CCNF: variants seen among roughly 807,000 people sequenced by gnomAD.
CCNF encodes the protein cyclin-F.
Under a neutral mutation model 85.4 loss-of-function variants are expected in CCNF, and 30 were observed. The observed-to-expected ratio is 0.35, with a 90% CI of 0.26 to 0.48. The LOEUF is 0.48. Ranked by LOEUF, CCNF falls within the 20% of genes least tolerant of loss-of-function variation. The probability of loss-of-function intolerance (pLI) is 0.99; values close to 1 mark genes in which losing one functional copy is unlikely to be tolerated. For missense variants in CCNF, 919 were observed against 1,010.4 expected (o/e 0.91, Z 1.23); for synonymous variants, 439 against 425.1 (o/e 1.03, Z -0.40).
Position 2,456,406 on chromosome 16 carries a change from C to T in CCNF, c.1886-139C>T. 3.7e-6 allele frequency: 2 copies of T among 538,196 alleles called. No homozygotes were observed. Among genetic ancestry groups the T allele is most frequent in the Non-Finnish European group, 6.3e-6 (2 of 318,162 alleles). The allele number at this position is 538,196 out of a possible 1,614,324, so 33.3% of individuals were successfully genotyped here. A position where few individuals can be genotyped will look rare whatever the true frequency, so the allele number is the denominator to read the frequency against. On this transcript the variant is annotated intron_variant, in intron 16 of 16. Coordinates refer to ENST00000397066, the MANE Select transcript of CCNF (RefSeq NM_001761.3). This position sits in a 1 kb window ranked among gnomAD's most constrained non-coding sequence, Gnocchi z 4.5. The stretch of plus-strand genomic sequence containing the variant: ...TGGAAGAGGCATGTCACCCACGCTT[C>T]TCACCACAGGAGGGTAACACAGGGG...
intron 7 of CCNF, 141 bp downstream of exon 7, chr16:2,439,598 C>A: frequency 1.1e-6 from 1 of 889,404 alleles, no homozygotes; most frequent in Non-Finnish European, 1.8e-6. Context: ...AACCACTGGT[C>A]AGTCGGCTAT....
At chr16:2,433,857 T>C (rs531375971) in intron 3 of CCNF, among the ~76,000 whole-genome samples, 5 of 152,346 alleles carry the variant, frequency 3.3e-5, no homozygotes, top group African/African-American at 1.2e-4. Context: ...AGGGATTCGC[T>C]GTGAGCCTCG....
At chr16:2,429,536 C>T in intron 1 of CCNF, 39 bp downstream of exon 1, 1 of 1,228,440 alleles carries the variant, frequency 8.1e-7, no homozygotes, top group Non-Finnish European at 1.0e-6. Flanking sequence ...CTGCCCCACA[C>T]CCCTTCTGCC....
At position 2,457,014 on chromosome 16, in the gene CCNF, G is replaced by T. The variant is rs149600932; in HGVS notation, c.2355G>T (p.Arg785Ser). 10 of 1,578,456 alleles carry T rather than the reference G, an allele frequency of 6.3e-6. No homozygotes were observed. In the African/African-American group the frequency reaches 1.3e-4, roughly 21 times the overall value. ...EEEDMNLGLV[R>S]L ...AGGACATGAACCTGGGCCTTGTGAGGCTGTAAGTGTGTCAGCACATTTGCC... is the reference window on the plus strand; with the variant it reads ...AGGACATGAACCTGGGCCTTGTGAGTCTGTAAGTGTGTCAGCACATTTGCC... Residue 785 changes from arginine to serine, a missense_variant, in exon 17 of 17, where the codon AGG becomes AGT. Physicochemically the swap from Arg to Ser is moderately radical, Grantham distance 110. Around this residue, in one of 3 missense-constraint regions of CCNF, gnomAD observed 505 missense variants for 514.8 expected, o/e 0.98. Transcript: ENST00000397066.
chr16:2,446,525 G>A (rs965359088), intron 10 of CCNF, among the ~76,000 whole-genome samples: 1 of 152,164 alleles, frequency 6.6e-6, no homozygotes, highest in South Asian at 2.1e-4. Flanking sequence ...TGGAAATAAC[G>A]TGGAAATGAT....
Position 2,451,631 on chromosome 16 carries a change from G to GC in CCNF, c.1488-1576dup, listed in dbSNP as rs1467991508. Among the ~76,000 whole-genome samples, 1 of 152,138 alleles carries GC rather than the reference G, an allele frequency of 6.6e-6. No individual in the cohort carries two copies. Among genetic ancestry groups the GC allele is most frequent in the Non-Finnish European group, 1.5e-5 (1 of 68,020 alleles). The stretch of plus-strand genomic sequence containing the variant: ...AGTGGCACCATCCTAGCTCACTGCA[G>GC]CCCTGACCTCCCGGGCTCAAGGGAT... On this transcript the variant is annotated intron_variant, in intron 13 of 16. Transcript: ENST00000397066. This position sits in a 1 kb window ranked among gnomAD's most constrained non-coding sequence, Gnocchi z 4.3.
chr16:2,439,690 G>T, intron 7 of CCNF, 59 bp from the exon 8 acceptor site: 2 of 1,433,940 alleles, frequency 1.4e-6, no homozygotes, highest in Non-Finnish European at 2.0e-6. Flanking sequence ...TCTGGGTCTT[G>T]GTTCTGAGTT....
At chr16:2,446,310 A>T (rs1488634157) in intron 10 of CCNF, among the ~76,000 whole-genome samples, 1 of 152,150 alleles carries the variant, frequency 6.6e-6, no homozygotes, top group East Asian at 1.9e-4. Context: ...CCCTTCTCTG[A>T]AGTTGGGTTC....
rs1363686136 is a variant in CCNF, at chr16:2,455,372, CCTG to C, written c.1716-22_1716-20del. ...AGCGCCGCCGTCCATGACTGGGTCT[CCTG>C]GGCTCTCTCCACCTTGCAGGAAGCG... is the stretch of plus-strand genomic sequence containing the variant. On this transcript the variant is annotated intron_variant, in intron 15 of 16. Transcript: ENST00000397066. The C allele has an allele frequency of 1.3e-6, 2 of 1,563,658 alleles. No individual in the cohort carries two copies. The highest frequency in any genetic ancestry group is 1.7e-5 in the Admixed American group (1 of 57,588).
rs541431976 is a variant in CCNF at position 2,453,600 on chromosome 16, C to G, written c.1715+63C>G. On this transcript the variant is annotated intron_variant, in intron 15 of 16. Coordinates refer to ENST00000397066, the MANE Select transcript of CCNF (RefSeq NM_001761.3). The surrounding 1 kb of genome is among the most constrained non-coding windows in gnomAD (Gnocchi z 5.6). ...TGGCATCCTCGTGCCGGCCCAGTTC[C>G]CTCAGCGCTTCCTCACACAGAGAGG... The G allele has an allele frequency of 1.4e-5, 22 of 1,601,444 alleles. No homozygotes were observed. In the African/African-American group the frequency reaches 2.1e-4, roughly 16 times the overall value.
Position 2,452,970 on chromosome 16 carries a change from T to C in CCNF, c.1488-240T>C. On this transcript the variant is annotated intron_variant, in intron 13 of 16. Transcript: ENST00000397066. The surrounding 1 kb of genome is among the most constrained non-coding windows in gnomAD (Gnocchi z 4.1). ...ACATTTTGCCTATTGTGAACAGTCC[T>C]GCCATGAACATTCTAGTACAGGTTT... is the stretch of plus-strand genomic sequence containing the variant. The C allele has an allele frequency of 1.7e-6, 1 of 573,904 alleles. No homozygotes were observed. The highest frequency in any genetic ancestry group is 3.1e-6 in the Non-Finnish European group (1 of 320,224). The allele number at this position is 573,904 out of a possible 1,614,324, so 35.6% of individuals were successfully genotyped here.
At chr16:2,455,137 C>T (rs1000998985) in intron 15 of CCNF, among the ~76,000 whole-genome samples, 5 of 151,946 alleles carry the variant, frequency 3.3e-5, no homozygotes, top group East Asian at 1.9e-4. Flanking sequence ...GGTTGGCCCA[C>T]GCCCCACAGC....
rs555465125 is a variant in CCNF at position 2,453,499 on chromosome 16, C to T, written c.1677C>T (p.His559=). The T allele has an allele frequency of 2.8e-5, 45 of 1,614,072 alleles. No homozygotes were observed. The highest frequency in any genetic ancestry group is 1.6e-4 in the Middle Eastern group (1 of 6,062). ...PPTFLSTGEI[H]AFLSSPSGRR... is the part of the protein sequence containing the mutation. The stretch of plus-strand genomic sequence containing the variant: ...CTTTCCTCAGCACAGGGGAGATCCA[C>T]GCCTTCCTCAGCTCTCCCTCGGGGC... The change falls in exon 15 of 17, where the codon CAC becomes CAT. Residue 559 remains histidine, a synonymous_variant. Transcript: ENST00000397066. The surrounding 1 kb of genome is among the most constrained non-coding windows in gnomAD (Gnocchi z 5.6).
chr16:2,440,953 C>CCACT (rs1304670782), intron 8 of CCNF, among the ~76,000 whole-genome samples: 2 of 152,064 alleles, frequency 1.3e-5, no homozygotes, highest in African/African-American at 4.8e-5. Flanking sequence ...GCTGGATGGG[C>CCACT]TGGGTGCAAG....
intron 8 of CCNF, among the ~76,000 whole-genome samples, chr16:2,441,220 G>A (rs1396571596): frequency 5.3e-5 from 8 of 151,294 alleles, no homozygotes; most frequent in East Asian, 3.9e-4. Flanking sequence ...GCAACAGAGC[G>A]ATACTCCATC....
intron 8 of CCNF, among the ~76,000 whole-genome samples, chr16:2,443,045 TTA>T (rs976922203): frequency 1.7e-4 from 21 of 120,766 alleles, no homozygotes; most frequent in Non-Finnish European, 2.4e-4. Flanking sequence ...TAATATAATA[TTA>T]TGTTATAATA....
intron 1 of CCNF, 116 bp downstream of exon 1, chr16:2,429,613 C>G (rs2065252528): frequency 4.8e-6 from 5 of 1,039,012 alleles, no homozygotes; most frequent in Non-Finnish European, 6.1e-6. Flanking sequence ...AGGGCTGGCT[C>G]GAGCTCTTTA....
At position 2,435,949 on chromosome 16, in the gene CCNF, G is replaced by A. The variant is rs2065288858; in HGVS notation, c.346+76G>A. On this transcript the variant is annotated intron_variant, in intron 4 of 16. Transcript: ENST00000397066. ...TTGGCCCTATGAAGAAGTGGTCCCC[G>A]TGTTAGCAGTTCAGTTGCTGTCCTT... The A allele has an allele frequency of 4.8e-5, 50 of 1,043,496 alleles. 1 individual carries two copies. The South Asian group carries it at 6.4e-4, about 13-fold the overall frequency. The allele number at this position is 1,043,496 out of a possible 1,614,324, so 64.6% of individuals were successfully genotyped here. A position where few individuals can be genotyped will look rare whatever the true frequency, so the allele number is the denominator to read the frequency against.
In CCNF at chr16:2,458,305, G is replaced by A. The variant is rs1481795189; in HGVS notation, c.*1285G>A. On this transcript the variant is annotated 3_prime_UTR_variant, in exon 17 of 17. Coordinates refer to ENST00000397066, the MANE Select transcript of CCNF (RefSeq NM_001761.3). ...TTTTGCTCTTGTCTCCCCGGCTGGA[G>A]TGCAGTGGCATGATCTCAACTCTCA... 10 of 149,668 alleles carry A rather than the reference G, an allele frequency of 6.7e-5. No homozygotes were observed. Among genetic ancestry groups the A allele is most frequent in the Non-Finnish European group, 1.5e-4 (10 of 67,768 alleles). The allele number at this position is 149,668 out of a possible 1,614,324, so 9.3% of individuals were successfully genotyped here.
Sources: gnomAD v4.1 joint callset for allele counts (sites outside exome capture counted in the v4.1 genomes callset) on GRCh38, gnomAD v4.1.1 for gene constraint, gnomAD v4.1.1 regional missense constraint, Gnocchi (gnomAD v3.1) non-coding constraint, MANE v1.5 for transcripts, NCBI Gene and HGNC (gene_info 2026-07-23, HGNC 2026-07-21) for gene names.